The following CSMD2 variants were observed in gnomAD, a reference collection of about 807,000 sequenced individuals.
The protein encoded by CSMD2 is CUB and sushi domain-containing protein 2.
In CSMD2, 130 loss-of-function variants were observed where a neutral mutation model predicts 398.5. The observed-to-expected ratio is 0.33, with a 90% CI of 0.28 to 0.38. The LOEUF is 0.38. Among genes scored for constraint, CSMD2 ranks in the 10% least tolerant of loss-of-function variants. CSMD2 has a pLI of 1.00. For synonymous variants in CSMD2, 1,828 were observed against 1,908.5 expected, an observed-to-expected ratio of 0.96 and a Z score of 1.10; for missense variants, 3,829 against 4,764.9, an observed-to-expected ratio of 0.80 and a Z score of 5.78.
intron 28 of CSMD2, among the ~76,000 whole-genome samples, chr1:33,650,173 C>T (rs574025302): frequency 5.9e-5 from 9 of 152,138 alleles, no homozygotes; most frequent in Non-Finnish European, 1.0e-4. Context: ...TGAGCACCCT[C>T]GATATTCCAG....
Position 33,930,389 on chromosome 1 carries a change from C to T in CSMD2, c.712+5371G>A, listed in dbSNP as rs1644273160. 2.0e-5 allele frequency among the ~76,000 whole-genome samples: 3 copies of T among 152,226 alleles called. No homozygotes were observed. The South Asian group carries it at 6.2e-4, about 32-fold the overall frequency. On this transcript the variant is annotated intron_variant, in intron 4 of 70. Coordinates refer to ENST00000373381, the MANE Select transcript of CSMD2 (RefSeq NM_001281956.2). ...CTGTCCATACCCGACACCACTGCTT[C>T]TTTTTCACATTCTGCAGGTTTCTTC...
intron 12 of CSMD2, 123 bp from the exon 13 acceptor site, chr1:33,772,874 G>C: frequency 1.3e-6 from 1 of 765,126 alleles, no homozygotes; most frequent in Non-Finnish European, 2.1e-6. Context: ...GAGTGACACA[G>C]GTAGGATTCA....
chr1:33,588,758 A>AT (rs1483998675), intron 44 of CSMD2, among the ~76,000 whole-genome samples: 8 of 152,266 alleles, frequency 5.3e-5, no homozygotes, highest in African/African-American at 1.9e-4. Flanking sequence ...AGCTTGAGAC[A>AT]TTATAAAACT....
chr1:33,572,567 G>A lies in CSMD2; in HGVS notation c.7701C>T (p.Ala2567=), dbSNP rs1659695298. 9.9e-6 allele frequency: 16 copies of A among 1,614,074 alleles called. No individual in the cohort carries two copies. In the East Asian group the frequency reaches 3.6e-4, roughly 36 times the overall value. ...GGCCTGTGTCCAGACACTCTGCAGT[G>A]GCCTCAGCGCCTGCCTGGAGGTGGT... ...EGYHLQAGAE[A]TAECLDTGLW... is the part of the protein sequence containing the mutation. Residue 2567 remains alanine (A), a synonymous_variant, in exon 50 of 71, where the codon GCC becomes GCT. Transcript: ENST00000373381.
At chr1:33,550,981 A>T (rs1057234791) in intron 55 of CSMD2, among the ~76,000 whole-genome samples, 6 of 152,178 alleles carry the variant, frequency 3.9e-5, no homozygotes, top group Non-Finnish European at 7.3e-5. Context: ...TCACAGGTTG[A>T]TCCTAAGATT....
At chr1:33,977,911 A>G (rs900637087) in intron 3 of CSMD2, among the ~76,000 whole-genome samples, 1 of 152,164 alleles carries the variant, frequency 6.6e-6, no homozygotes, top group Non-Finnish European at 1.5e-5. Context: ...AAGAGTCAAC[A>G]GAAGCGGGCA....
chr1:33,556,015 T>C, intron 55 of CSMD2, among the ~76,000 whole-genome samples: 1 of 152,074 alleles, frequency 6.6e-6, no homozygotes, highest in East Asian at 1.9e-4. Context: ...CATTGGAGGA[T>C]CTCACTCCTC....
intron 41 of CSMD2, among the ~76,000 whole-genome samples, chr1:33,606,394 A>G (rs550889790): frequency 6.6e-6 from 1 of 152,370 alleles, no homozygotes; most frequent in South Asian, 2.1e-4. Context: ...TCTTGAAGAT[A>G]ACATTTCCTG....
chr1:34,125,024 G>T (rs1317635741), intron 1 of CSMD2, among the ~76,000 whole-genome samples: 1 of 152,046 alleles, frequency 6.6e-6, no homozygotes, highest in Non-Finnish European at 1.5e-5. Context: ...CATCAGAAAT[G>T]ATTATGACCC....
rs1266941625 is a variant in CSMD2 at position 33,935,757 on chromosome 1, T to A, written c.712+3A>T. 1.9e-6 allele frequency: 3 copies of A among 1,596,674 alleles called. No individual in the cohort carries two copies. Among genetic ancestry groups the A allele is most frequent in the Non-Finnish European group, 2.6e-6 (3 of 1,171,998 alleles). ...TCTGTCAGACCCCTTGCTGGCCACC[T>A]ACCTCTGCAGGAAGGCAGGGGGAAG... On this transcript the variant is annotated splice_donor_region_variant and intron_variant, in intron 4 of 70. Transcript: ENST00000373381.
In CSMD2 at chr1:33,623,146, G is replaced by A. The variant is rs72662034; in HGVS notation, c.5722+224C>T. ...GGGCTGGGGAGGGGAGTGCAAATGG[G>A]TACCTGGTTTATTTTGGGGTGGTCA... is the stretch of plus-strand genomic sequence containing the variant. On this transcript the variant is annotated intron_variant, in intron 36 of 70. Coordinates refer to ENST00000373381, the MANE Select transcript of CSMD2 (RefSeq NM_001281956.2). Among the ~76,000 whole-genome samples the A allele has an allele frequency of 7.3e-3, 1,109 of 152,318 alleles. 5 individuals carry two copies. The highest frequency in any genetic ancestry group is 0.013 in the Non-Finnish European group (866 of 68,036).
chr1:33,850,567 AT>A, intron 5 of CSMD2, among the ~76,000 whole-genome samples: 1 of 152,102 alleles, frequency 6.6e-6, no homozygotes, highest in Admixed American at 6.5e-5. Context: ...TTCCCCCAGG[AT>A]CCTCTTTAAT....
chr1:33,637,905 C>A (rs1220856160), intron 29 of CSMD2, among the ~76,000 whole-genome samples: 1 of 152,088 alleles, frequency 6.6e-6, no homozygotes, highest in African/African-American at 2.4e-5. Context: ...TGAGGGCCGT[C>A]CTTGTCACCT....
At chr1:33,989,038 A>C (rs61771365) in intron 3 of CSMD2, among the ~76,000 whole-genome samples, 27 of 44,118 alleles carry the variant, frequency 6.1e-4, no homozygotes, top group African/African-American at 1.9e-3. Context: ...ATATATATAT[A>C]TATATATATA....
Position 33,572,448 on chromosome 1 carries a change from C to A in CSMD2, c.7762+58G>T, listed in dbSNP as rs900593785. 7 of 1,396,924 alleles carry A rather than the reference C, an allele frequency of 5.0e-6. No homozygotes were observed. In the African/African-American group the frequency reaches 7.2e-5, roughly 14 times the overall value. 86.5% of individuals were successfully genotyped at this position (1,396,924 alleles called of 1,614,324 possible). A position where few individuals can be genotyped will look rare whatever the true frequency, so the allele number is the denominator to read the frequency against. On this transcript the variant is annotated intron_variant, in intron 50 of 70. Transcript: ENST00000373381. ...CTTTTAGCTCACTCCTTGCAGGAAT[C>A]TTTCCAGCTGCCTACCTAGCCCTTC...
chr1:33,524,030 A>G (rs1410062471), intron 66 of CSMD2, among the ~76,000 whole-genome samples: 1 of 152,240 alleles, frequency 6.6e-6, no homozygotes, highest in Non-Finnish European at 1.5e-5. Context: ...ATGCATGAAG[A>G]AAAAATGATC....
At chr1:34,111,678 A>T (rs1335579143) in intron 1 of CSMD2, among the ~76,000 whole-genome samples, 1 of 152,200 alleles carries the variant, frequency 6.6e-6, no homozygotes, top group African/African-American at 2.4e-5. Flanking sequence ...TCACACATAC[A>T]ATAACATCTG....
chr1:34,009,006 T>A (rs1005308728), intron 3 of CSMD2, among the ~76,000 whole-genome samples: 11 of 151,792 alleles, frequency 7.2e-5, no homozygotes, highest in African/African-American at 2.7e-4. Context: ...GCCTACCCCA[T>A]CCACCCTCTG....
intron 13 of CSMD2, among the ~76,000 whole-genome samples, chr1:33,753,216 G>A (rs1648503761): frequency 6.6e-6 from 1 of 152,220 alleles, no homozygotes; most frequent in Admixed American, 6.5e-5. Context: ...GGCCTTGACG[G>A]CATTTCAGCA....
Sources: gnomAD v4.1 joint callset for allele counts (sites outside exome capture counted in the v4.1 genomes callset) on GRCh38, gnomAD v4.1.1 for gene constraint, MANE v1.5 for transcripts, NCBI Gene and HGNC (gene_info 2026-07-23, HGNC 2026-07-21) for gene names.